The following CADPS2 variants were observed in gnomAD, a reference collection of about 807,000 sequenced individuals.
CADPS2 encodes calcium dependent secretion activator 2.
CADPS2 carries 93 observed loss-of-function variants against 172.5 expected under a neutral mutation model. That is an observed-to-expected ratio of 0.54 (90% CI 0.46 to 0.64). CADPS2 has a LOEUF of 0.64. Among genes scored for constraint, CADPS2 ranks in the 30% least tolerant of loss-of-function variants. The pLI, the probability that CADPS2 is intolerant of heterozygous loss-of-function variation, is 0.00. For missense variants in CADPS2, 1,420 were observed against 1,565.9 expected (o/e 0.91, Z 1.57); for synonymous variants, 546 against 555.2 (o/e 0.98, Z 0.23).
intron 15 of CADPS2, among the ~76,000 whole-genome samples, chr7:122,450,942 G>C (rs2053009455): frequency 6.6e-6 from 1 of 152,050 alleles, no homozygotes; most frequent in Non-Finnish European, 1.5e-5. Context: ...TGGGTTACAA[G>C]TGACAAGACA....
chr7:122,769,045 G>A (rs2093635639), intron 1 of CADPS2, among the ~76,000 whole-genome samples: 1 of 152,030 alleles, frequency 6.6e-6, no homozygotes, highest in Admixed American at 6.5e-5. Flanking sequence ...CTGTCAAATT[G>A]GGTCTATGTT....
At chr7:122,621,362 A>T in intron 5 of CADPS2, 119 bp downstream of exon 5, 1 of 676,632 alleles carries the variant, frequency 1.5e-6, no homozygotes, top group Non-Finnish European at 2.5e-6. Context: ...AGAATAATTT[A>T]ACATCTCCAA....
intron 1 of CADPS2, 78 bp downstream of exon 1, chr7:122,885,921 G>C (rs1216040541): frequency 1.3e-6 from 2 of 1,488,982 alleles, no homozygotes; most frequent in Non-Finnish European, 1.8e-6. Context: ...GCAGAAGGAC[G>C]GGAGGCGTCC....
intron 15 of CADPS2, among the ~76,000 whole-genome samples, chr7:122,449,235 G>T (rs1422501822): frequency 6.6e-6 from 1 of 152,160 alleles, no homozygotes; most frequent in Non-Finnish European, 1.5e-5. Context: ...TAGCAAAAAA[G>T]AGGGAAATTA....
chr7:122,644,365 G>A (rs1390689964), intron 3 of CADPS2, among the ~76,000 whole-genome samples: 1 of 147,178 alleles, frequency 6.8e-6, no homozygotes, highest in African/African-American at 2.4e-5. Context: ...TCATTGTCCA[G>A]GTCAATCTCC....
At chr7:122,710,419 G>A (rs2088516214) in intron 2 of CADPS2, among the ~76,000 whole-genome samples, 1 of 152,090 alleles carries the variant, frequency 6.6e-6, no homozygotes, top group African/African-American at 2.4e-5. Context: ...CCGTGTGACA[G>A]ATGTGTCATG....
intron 2 of CADPS2, among the ~76,000 whole-genome samples, chr7:122,726,090 T>C (rs1588784144): frequency 6.6e-6 from 1 of 151,876 alleles, no homozygotes; most frequent in Admixed American, 6.6e-5. Context: ...CATTCACCCA[T>C]CTGGATTCAG....
chr7:122,742,673 C>T (rs144541897), intron 1 of CADPS2, among the ~76,000 whole-genome samples: 41 of 152,240 alleles, frequency 2.7e-4, no homozygotes, highest in Middle Eastern at 6.8e-3. Context: ...TTACATTGTG[C>T]TTATAATCAA....
chr7:122,764,983 C>A (rs1223781162), intron 1 of CADPS2, among the ~76,000 whole-genome samples: 1 of 152,156 alleles, frequency 6.6e-6, no homozygotes, highest in African/African-American at 2.4e-5. Flanking sequence ...CACAACTCAG[C>A]TTGGTACAAT....
chr7:122,408,169 G>A (rs1242605220), intron 19 of CADPS2, among the ~76,000 whole-genome samples: 2 of 149,462 alleles, frequency 1.3e-5, no homozygotes, highest in Admixed American at 1.3e-4. Flanking sequence ...CTACTATAAG[G>A]ATATACTGTT....
At chr7:122,338,610 T>G (rs1264814881) in intron 28 of CADPS2, among the ~76,000 whole-genome samples, 1 of 152,202 alleles carries the variant, frequency 6.6e-6, no homozygotes, top group Non-Finnish European at 1.5e-5. Context: ...TGAGTACTTT[T>G]ATATAAAAAT....
intron 1 of CADPS2, among the ~76,000 whole-genome samples, chr7:122,753,754 T>A (rs2093044278): frequency 6.6e-6 from 1 of 152,174 alleles, no homozygotes; most frequent in African/African-American, 2.4e-5. Flanking sequence ...CAAGCTCAGT[T>A]GTATACATAT....
chr7:122,586,072 G>A lies in CADPS2; in HGVS notation c.1224-4782C>T, dbSNP rs1191601052. The stretch of plus-strand genomic sequence containing the variant: ...TGATTATGTAAATTATGGGGCATGT[G>A]ATGAACTATTTTGCTACTTTATAAT... On this transcript the variant is annotated intron_variant, in intron 6 of 29. Coordinates refer to ENST00000449022, the MANE Select transcript of CADPS2 (RefSeq NM_017954.11). 5.3e-5 allele frequency among the ~76,000 whole-genome samples: 8 copies of A among 152,050 alleles called. No homozygotes were observed. In the East Asian group the frequency reaches 1.2e-3, roughly 22 times the overall value.
At position 122,508,132 on chromosome 7, in the gene CADPS2, T is replaced by C. The variant is rs571017753; in HGVS notation, c.1542+5117A>G. On this transcript the variant is annotated intron_variant, in intron 9 of 29. Transcript: ENST00000449022. ...ATATGAATACTTACAAATACACACATGCACACACTCAGAGCGTTTTGAAAT... is the reference window on the plus strand; with the variant it reads ...ATATGAATACTTACAAATACACACACGCACACACTCAGAGCGTTTTGAAAT... Among the ~76,000 whole-genome samples, 798 of 152,188 alleles carry C rather than the reference T, an allele frequency of 5.2e-3. 4 individuals carry two copies. The highest frequency in any genetic ancestry group is 8.0e-3 in the Non-Finnish European group (547 of 68,006).
At chr7:122,743,907 G>A (rs755707713) in intron 1 of CADPS2, among the ~76,000 whole-genome samples, 16 of 152,110 alleles carry the variant, frequency 1.1e-4, no homozygotes, top group Non-Finnish European at 2.1e-4. Flanking sequence ...TTCCAGCTAC[G>A]TCTCATACAT....
chr7:122,481,962 G>A (rs576941226), intron 11 of CADPS2, among the ~76,000 whole-genome samples: 1 of 152,250 alleles, frequency 6.6e-6, no homozygotes, highest in Admixed American at 6.5e-5. Context: ...AACCTGGGAG[G>A]CAGAGGTTCA....
intron 19 of CADPS2, 90 bp from the exon 20 acceptor site, chr7:122,407,786 A>C: frequency 7.9e-7 from 1 of 1,257,902 alleles, no homozygotes; most frequent in Non-Finnish European, 1.1e-6. Flanking sequence ...ATTTTATAAC[A>C]TGTCTTAGTT....
At chr7:122,389,655 T>G (rs1231194981) in intron 22 of CADPS2, among the ~76,000 whole-genome samples, 2 of 151,950 alleles carry the variant, frequency 1.3e-5, no homozygotes, top group African/African-American at 4.8e-5. Flanking sequence ...TATTCCTACA[T>G]TAAAACATAT....
intron 14 of CADPS2, among the ~76,000 whole-genome samples, chr7:122,469,214 G>A (rs2055569572): frequency 6.6e-6 from 1 of 152,164 alleles, no homozygotes; most frequent in Non-Finnish European, 1.5e-5. Flanking sequence ...ATTATAATGA[G>A]TCTCAAACAC....
Sources: gnomAD v4.1 joint callset for allele counts (sites outside exome capture counted in the v4.1 genomes callset) on GRCh38, gnomAD v4.1.1 for gene constraint, MANE v1.5 for transcripts, NCBI Gene and HGNC (gene_info 2026-07-23, HGNC 2026-07-21) for gene names.